The following XRCC5 variants were observed in gnomAD, a reference collection of about 807,000 sequenced individuals.
XRCC5 encodes X-ray repair cross complementing 5, also known as DNA repair protein Ku80.
XRCC5 carries 12 observed loss-of-function variants against 95.7 expected under a neutral mutation model. The observed-to-expected ratio is 0.13, with a 90% CI of 0.08 to 0.20. The LOEUF is 0.20. Among genes scored for constraint, XRCC5 ranks in the 10% least tolerant of loss-of-function variants. The pLI is 1.00. For missense variants in XRCC5, 595 were observed against 873.9 expected, an observed-to-expected ratio of 0.68 and a Z score of 4.02; for synonymous variants, 281 against 290.3, an observed-to-expected ratio of 0.97 and a Z score of 0.33.
chr2:216,116,322 A>G (rs545868996), intron 2 of XRCC5, among the ~76,000 whole-genome samples: 1 of 152,176 alleles, frequency 6.6e-6, no homozygotes, highest in South Asian at 2.1e-4. Context: ...CCATAAAGAC[A>G]TACTAAAATC....
At chr2:216,127,181 A>G (rs1053772280) in intron 7 of XRCC5, among the ~76,000 whole-genome samples, 16 of 152,208 alleles carry the variant, frequency 1.1e-4, no homozygotes, top group African/African-American at 3.1e-4. Context: ...CGGAGGTTGC[A>G]GTGAGCCAGG....
intron 14 of XRCC5, among the ~76,000 whole-genome samples, chr2:216,151,520 A>G (rs961236023): frequency 2.6e-5 from 4 of 152,212 alleles, no homozygotes; most frequent in African/African-American, 9.6e-5. Flanking sequence ...GAGTCAGCCA[A>G]TATGAGTCAG....
Position 216,112,526 on chromosome 2 carries a change from A to G in XRCC5, c.22-490A>G, listed in dbSNP as rs1482755969. Among the ~76,000 whole-genome samples the G allele has an allele frequency of 2.0e-5, 3 of 152,246 alleles. No individual in the cohort carries two copies. In the East Asian group the frequency reaches 5.8e-4, roughly 29 times the overall value. Reference sequence around the variant, plus strand: ...ACAAACTGACTCAAATTGTCAGGGTATACCTCTTAGCATATATATAGATTC... The same window carrying G: ...ACAAACTGACTCAAATTGTCAGGGTGTACCTCTTAGCATATATATAGATTC... On this transcript the variant is annotated intron_variant, in intron 1 of 20. Coordinates refer to ENST00000392132, the MANE Select transcript of XRCC5 (RefSeq NM_021141.4).
rs941605564 is a variant in XRCC5 at position 216,113,257 on chromosome 2, T to G, written c.135+128T>G. On this transcript the variant is annotated intron_variant, in intron 2 of 20. Coordinates refer to ENST00000392132, the MANE Select transcript of XRCC5 (RefSeq NM_021141.4). ...CTGTTTGGGGGGATTCTGGGGAGTTTCCTTACATGTACTCACATACAACTT... is the reference window on the plus strand; with the variant it reads ...CTGTTTGGGGGGATTCTGGGGAGTTGCCTTACATGTACTCACATACAACTT... 1.8e-4 allele frequency: 126 copies of G among 704,524 alleles called. 2 individuals are homozygous for G. Among genetic ancestry groups the G allele is most frequent in the South Asian group, 1.1e-3 (59 of 52,746 alleles). 43.6% of individuals were successfully genotyped at this position (704,524 alleles called of 1,614,324 possible). A position where few individuals can be genotyped will look rare whatever the true frequency, so the allele number is the denominator to read the frequency against.
chr2:216,126,111 T>G (rs1696896661), intron 7 of XRCC5, 80 bp downstream of exon 7: 6 of 1,130,332 alleles, frequency 5.3e-6, no homozygotes, highest in Non-Finnish European at 7.9e-6. Flanking sequence ...ACAATTCATG[T>G]GTGTGTTACT....
At chr2:216,110,263 A>G (rs537675003) in intron 1 of XRCC5, among the ~76,000 whole-genome samples, 48 of 152,026 alleles carry the variant, frequency 3.2e-4, no homozygotes, top group African/African-American at 1.1e-3. Flanking sequence ...TTTTTTCAAC[A>G]TAAAAGAGTG....
chr2:216,135,518 T>C (rs2106011596), intron 10 of XRCC5, among the ~76,000 whole-genome samples: 1 of 152,092 alleles, frequency 6.6e-6, no homozygotes, highest in East Asian at 1.9e-4. Context: ...GGTAGTTTCG[T>C]GAACACTTAA....
intron 13 of XRCC5, 64 bp downstream of exon 13, chr2:216,141,383 G>A: frequency 6.3e-7 from 1 of 1,585,580 alleles, no homozygotes; most frequent in Non-Finnish European, 8.6e-7. Flanking sequence ...GTGCAAAGTT[G>A]CGGTAATTGG....
intron 16 of XRCC5, among the ~76,000 whole-genome samples, chr2:216,168,862 G>A (rs1689100678): frequency 6.6e-6 from 1 of 152,198 alleles, no homozygotes; most frequent in South Asian, 2.1e-4. Flanking sequence ...ACTAAAATTG[G>A]AGGAGATACA....
At chr2:216,141,406 A>G in intron 13 of XRCC5, 87 bp downstream of exon 13, 2 of 1,449,924 alleles carry the variant, frequency 1.4e-6, no homozygotes, top group Non-Finnish European at 1.9e-6. Context: ...AGTCCTAAAT[A>G]AATGTCTTTT....
chr2:216,195,131 A>T (rs922641700), intron 19 of XRCC5, 145 bp downstream of exon 19: 4 of 707,878 alleles, frequency 5.7e-6, no homozygotes, highest in African/African-American at 1.8e-5. Flanking sequence ...CAACCACAGC[A>T]TCCCCATGGG....
At chr2:216,156,513 A>G in intron 14 of XRCC5, 1 of 620,516 alleles carries the variant, frequency 1.6e-6, no homozygotes, top group Non-Finnish European at 3.2e-6. Flanking sequence ...CAGCAAAACA[A>G]GACTTCCTCC....
chr2:216,112,934 T>G, intron 1 of XRCC5, 82 bp from the exon 2 acceptor site: 1 of 1,055,874 alleles, frequency 9.5e-7, no homozygotes, highest in East Asian at 2.4e-5. Context: ...TACAGGTTCA[T>G]GAATACAATA....
chr2:216,130,499 A>G (rs1277161519), intron 8 of XRCC5, among the ~76,000 whole-genome samples: 2 of 152,116 alleles, frequency 1.3e-5, no homozygotes, highest in Non-Finnish European at 2.9e-5. Context: ...GTTTCTGAAT[A>G]ATGTGTTCTT....
At chr2:216,195,054 G>T in intron 19 of XRCC5, 68 bp downstream of exon 19, 1 of 1,485,538 alleles carries the variant, frequency 6.7e-7, no homozygotes, top group East Asian at 2.3e-5. Context: ...TGATACCCTC[G>T]AAGAAGTTAA....
intron 6 of XRCC5, among the ~76,000 whole-genome samples, chr2:216,122,770 G>T (rs1388973835): frequency 3.3e-5 from 5 of 149,668 alleles, no homozygotes; most frequent in Non-Finnish European, 7.4e-5. Flanking sequence ...AAAAAAACCT[G>T]CAATGTAAAG....
intron 16 of XRCC5, chr2:216,174,830 G>A (rs542280510): frequency 7.4e-4 from 162 of 219,826 alleles, no homozygotes; most frequent in African/African-American, 3.6e-3. Context: ...CAAATAACCT[G>A]CAACTTTTGT....
chr2:216,202,777 T>G (rs1689860039), intron 19 of XRCC5, among the ~76,000 whole-genome samples: 1 of 151,654 alleles, frequency 6.6e-6, no homozygotes, highest in Non-Finnish European at 1.5e-5. Flanking sequence ...TCCAAGAGAG[T>G]GGTTGAGTCA....
intron 14 of XRCC5, among the ~76,000 whole-genome samples, chr2:216,159,472 C>A (rs3770513): frequency 0.051 from 7,815 of 152,018 alleles, 356 homozygotes; most frequent in South Asian, 0.22. Context: ...TATAAAAGAA[C>A]AAATTAAAAA....
Sources: gnomAD v4.1 joint callset for allele counts (sites outside exome capture counted in the v4.1 genomes callset) on GRCh38, gnomAD v4.1.1 for gene constraint, MANE v1.5 for transcripts, NCBI Gene and HGNC (gene_info 2026-07-23, HGNC 2026-07-21) for gene names.